Variants in ZFAND3 observed in about 807,000 individuals in gnomAD.
ZFAND3 encodes the protein AN1-type zinc finger protein 3.
Under a neutral mutation model 29.6 loss-of-function variants are expected in ZFAND3, and 10 were observed. The ratio of observed to expected loss-of-function variants is 0.34; its 90% CI spans 0.21 to 0.57. ZFAND3 has a LOEUF of 0.57. Ranked by LOEUF, ZFAND3 falls within the 20% of genes least tolerant of loss-of-function variation. The pLI is 0.86. For synonymous variants in ZFAND3, 128 were observed against 112.6 expected, an observed-to-expected ratio of 1.14 and a Z score of -0.87; for missense variants, 230 against 304.5, an observed-to-expected ratio of 0.76 and a Z score of 1.82.
intron 1 of ZFAND3, among the ~76,000 whole-genome samples, chr6:37,854,646 CTT>C (rs940312763): frequency 2.6e-5 from 4 of 151,756 alleles, no homozygotes; most frequent in Non-Finnish European, 5.9e-5. Context: ...TTAGTAATAT[CTT>C]TATTTTATAG....
At chr6:37,996,008 A>T (rs1762842590) in intron 2 of ZFAND3, among the ~76,000 whole-genome samples, 1 of 152,016 alleles carries the variant, frequency 6.6e-6, no homozygotes, top group African/African-American at 2.4e-5. Flanking sequence ...GGGTGCCTGT[A>T]ATCCCAGCTA....
At chr6:37,850,207 T>C (rs35379375) in intron 1 of ZFAND3, among the ~76,000 whole-genome samples, 12,226 of 152,236 alleles carry the variant, frequency 0.08, 577 homozygotes, top group African/African-American at 0.14. Context: ...GCAGGATGGT[T>C]TTATTTCAGT....
chr6:37,945,037 G>A (rs1233659175), intron 2 of ZFAND3, among the ~76,000 whole-genome samples: 2 of 152,080 alleles, frequency 1.3e-5, no homozygotes, highest in Admixed American at 1.3e-4. Context: ...CACCAGTATG[G>A]GTGCTCCCGG....
intron 4 of ZFAND3, among the ~76,000 whole-genome samples, chr6:38,090,294 A>T (rs1250869430): frequency 6.6e-6 from 1 of 152,234 alleles, no homozygotes; most frequent in African/African-American, 2.4e-5. Flanking sequence ...TACTTATGTA[A>T]TATGCAAGTT....
intron 1 of ZFAND3, among the ~76,000 whole-genome samples, chr6:37,833,706 G>T (rs904866941): frequency 2.0e-5 from 3 of 151,170 alleles, no homozygotes; most frequent in African/African-American, 4.9e-5. Context: ...AGCGTCTGTA[G>T]TCCCAGCTAC....
chr6:37,992,449 C>T (rs1211146643), intron 2 of ZFAND3, among the ~76,000 whole-genome samples: 1 of 152,106 alleles, frequency 6.6e-6, no homozygotes, highest in Non-Finnish European at 1.5e-5. Flanking sequence ...CAGTGAATTC[C>T]TATGTATCTT....
At chr6:38,002,285 CTTTTTT>C (rs559479814) in intron 2 of ZFAND3, among the ~76,000 whole-genome samples, 2 of 137,904 alleles carry the variant, frequency 1.5e-5, no homozygotes, top group Non-Finnish European at 3.1e-5. Context: ...ATTTTCTTTT[CTTTTTT>C]TTTTTTTTTT....
intron 2 of ZFAND3, among the ~76,000 whole-genome samples, chr6:38,011,734 A>G (rs1763156337): frequency 2.0e-5 from 3 of 152,164 alleles, no homozygotes; most frequent in Non-Finnish European, 4.4e-5. Flanking sequence ...TTTTATATTA[A>G]TTGGTTTTGT....
intron 5 of ZFAND3, among the ~76,000 whole-genome samples, chr6:38,136,091 A>C (rs575782278): frequency 6.6e-6 from 1 of 152,178 alleles, no homozygotes; most frequent in African/African-American, 2.4e-5. Flanking sequence ...TGGGAAGTCC[A>C]CTGGCATTGA....
intron 2 of ZFAND3, chr6:38,003,835 T>C: frequency 2.2e-6 from 1 of 450,776 alleles, no homozygotes; most frequent in Admixed American, 2.4e-5. Flanking sequence ...GCTATTTGTA[T>C]ATCTTTTTCC....
At chr6:38,093,784 A>G (rs1171375084) in intron 4 of ZFAND3, among the ~76,000 whole-genome samples, 1 of 152,196 alleles carries the variant, frequency 6.6e-6, no homozygotes, top group South Asian at 2.1e-4. Context: ...GCAGACAGAA[A>G]TCATTCATTA....
chr6:37,853,747 C>T (rs1764325428), intron 1 of ZFAND3, among the ~76,000 whole-genome samples: 1 of 152,096 alleles, frequency 6.6e-6, no homozygotes, highest in African/African-American at 2.4e-5. Flanking sequence ...GAAGAAAATA[C>T]TAAAACCCCT....
At chr6:37,908,448 C>T (rs1186205060) in intron 1 of ZFAND3, among the ~76,000 whole-genome samples, 1 of 150,908 alleles carries the variant, frequency 6.6e-6, no homozygotes, top group East Asian at 1.9e-4. Flanking sequence ...TGGTGCGCTG[C>T]ACCCACTAAC....
chr6:37,994,163 A>G (rs531371947), intron 2 of ZFAND3, among the ~76,000 whole-genome samples: 232 of 152,210 alleles, frequency 1.5e-3, no homozygotes, highest in African/African-American at 5.3e-3. Flanking sequence ...AAAAAATATG[A>G]TTACTTAACA....
At chr6:38,044,067 A>G (rs995476897) in intron 2 of ZFAND3, among the ~76,000 whole-genome samples, 1 of 152,232 alleles carries the variant, frequency 6.6e-6, no homozygotes, top group Admixed American at 6.5e-5. Flanking sequence ...ACAGTCAAAA[A>G]TAACAGCTTC....
rs555954309 is a variant in ZFAND3, at chr6:38,125,422, G to A, written c.529+8683G>A. On this transcript the variant is annotated intron_variant, in intron 5 of 5. Coordinates refer to ENST00000287218, the MANE Select transcript of ZFAND3 (RefSeq NM_021943.3). ...ATGTTCTTTGACAGGGCTGTAGAGA[G>A]ATGTCAGAAACATGAAGAGCTCCCT... Among the ~76,000 whole-genome samples the A allele has an allele frequency of 1.1e-4, 16 of 152,330 alleles. No homozygotes were observed. The East Asian group carries it at 3.1e-3, about 29-fold the overall frequency.
At chr6:37,948,092 GTTC>G (rs1480722241) in intron 2 of ZFAND3, among the ~76,000 whole-genome samples, 1 of 152,192 alleles carries the variant, frequency 6.6e-6, no homozygotes, top group African/African-American at 2.4e-5. Flanking sequence ...TGAGTAGTGT[GTTC>G]TTCAAGTGTC....
At chr6:37,821,842 A>G (rs759976828) in intron 1 of ZFAND3, among the ~76,000 whole-genome samples, 50 of 152,158 alleles carry the variant, frequency 3.3e-4, no homozygotes, top group Middle Eastern at 3.4e-3. Flanking sequence ...TTATTTATTT[A>G]TTTATTTTTG....
chr6:38,128,395 C>A (rs1029587343), intron 5 of ZFAND3, among the ~76,000 whole-genome samples: 5 of 152,110 alleles, frequency 3.3e-5, no homozygotes, highest in African/African-American at 1.2e-4. Context: ...TGATTAAATT[C>A]TTTAGTGGTA....
Sources: allele counts gnomAD v4.1 joint callset (sites outside exome capture counted in the v4.1 genomes callset), GRCh38; gene constraint gnomAD v4.1.1; transcripts MANE v1.5; gene names NCBI Gene and HGNC (gene_info 2026-07-23, HGNC 2026-07-21).